The following SUN1 variants were observed in gnomAD, a reference collection of about 807,000 sequenced individuals.
SUN1 encodes SUN domain-containing protein 1.
SUN1 carries 61 observed loss-of-function variants against 103.2 expected under a neutral mutation model. The observed-to-expected ratio is 0.59, with a 90% CI of 0.48 to 0.73. The LOEUF is 0.73. Ranked by LOEUF, SUN1 falls within the 30% of genes least tolerant of loss-of-function variation. The probability of loss-of-function intolerance (pLI) is 0.00; values close to 1 mark genes in which losing one functional copy is unlikely to be tolerated. For synonymous variants in SUN1, 490 were observed against 425.7 expected (o/e 1.15, Z -1.86); for missense variants, 1,052 against 1,034.6 (o/e 1.02, Z -0.23).
intron 11 of SUN1, among the ~76,000 whole-genome samples, chr7:856,079 CAGGGAGCTG>C (rs1827010042): frequency 6.6e-6 from 1 of 152,176 alleles, no homozygotes; most frequent in Non-Finnish European, 1.5e-5. Context: ...GGAGGTGTGA[CAGGGAGCTG>C]ACTCCCAACC....
At chr7:854,783 C>T (rs1328163816) in intron 10 of SUN1, 137 bp from the exon 11 acceptor site, 3 of 605,210 alleles carry the variant, frequency 5.0e-6, no homozygotes, top group Non-Finnish European at 5.9e-6. Context: ...GCGGATTATT[C>T]CTTTAGGGTC....
intron 1 of SUN1, among the ~76,000 whole-genome samples, chr7:818,502 A>G (rs1433719854): frequency 6.6e-6 from 1 of 152,156 alleles, no homozygotes; most frequent in African/African-American, 2.4e-5. Flanking sequence ...TACTATGAAC[A>G]TTTGTGGATG....
intron 1 of SUN1, among the ~76,000 whole-genome samples, chr7:837,035 G>A (rs1216400113): frequency 2.6e-5 from 4 of 152,256 alleles, no homozygotes; most frequent in Non-Finnish European, 5.9e-5. Flanking sequence ...TGGGGACTGC[G>A]AATCATGACG....
At chr7:819,384 A>G (rs1465358288) in intron 1 of SUN1, among the ~76,000 whole-genome samples, 1 of 152,110 alleles carries the variant, frequency 6.6e-6, no homozygotes, top group African/African-American at 2.4e-5. Context: ...TTTGTTGCTC[A>G]TGCTTTTGAT....
chr7:851,491 T>G lies in SUN1; in HGVS notation c.757+9T>G, dbSNP rs1584857820. ...GGCCGTGGTTGCTCCAGGTGGCTAT[T>G]TTGGGTTTCTGTGTTGCGTTCTCTC... is the stretch of plus-strand genomic sequence containing the variant. On this transcript the variant is annotated intron_variant, in intron 6 of 18. Coordinates refer to ENST00000401592, the MANE Select transcript of SUN1 (RefSeq NM_001130965.3). 1.9e-6 allele frequency: 3 copies of G among 1,596,584 alleles called. No homozygotes were observed. The highest frequency in any genetic ancestry group is 2.6e-6 in the Non-Finnish European group (3 of 1,171,332).
At chr7:819,545 T>C (rs1417112717) in intron 1 of SUN1, among the ~76,000 whole-genome samples, 1 of 152,134 alleles carries the variant, frequency 6.6e-6, no homozygotes, top group Non-Finnish European at 1.5e-5. Flanking sequence ...CTGACTTCGT[T>C]CTTTTGCACG....
rs532971176 is a variant in SUN1 at position 867,138 on chromosome 7, G to T, written c.1980+1071G>T. On this transcript the variant is annotated intron_variant, in intron 16 of 18. Coordinates refer to ENST00000401592, the MANE Select transcript of SUN1 (RefSeq NM_001130965.3). ...GTCATCATGATCTCGTCCCCAGGCT[G>T]CCCCGGCGGAACTGTCCGGTCAGCG... is the stretch of plus-strand genomic sequence containing the variant. Among the ~76,000 whole-genome samples, 8 of 152,334 alleles carry T rather than the reference G, an allele frequency of 5.3e-5. No homozygotes were observed. In the South Asian group the frequency reaches 1.7e-3, roughly 32 times the overall value.
chr7:830,978 G>T (rs972685260), upstream of SUN1: 68 of 985,492 alleles, frequency 6.9e-5, no homozygotes, highest in South Asian at 2.6e-3. Flanking sequence ...TATAGGTGGA[G>T]GGTAGCCTAC....
intron 1 of SUN1, among the ~76,000 whole-genome samples, chr7:826,404 T>G (rs912072040): frequency 6.6e-6 from 1 of 152,122 alleles, no homozygotes; most frequent in Non-Finnish European, 1.5e-5. Context: ...TCGGTGTCTC[T>G]CGGGAAGGTC....
rs7811913 is a variant in SUN1, at chr7:852,707, G to T, written c.910+40G>T. On this transcript the variant is annotated intron_variant, in intron 8 of 18. Transcript: ENST00000401592. ...GCTGAGTTGCCTCCGATGGCTAAGC[G>T]GTACACACATATGTGTAACTTAGTG... The T allele has an allele frequency of 9.3e-4, 1,496 of 1,614,060 alleles. 9 individuals are homozygous for T. In the African/African-American group the frequency reaches 0.013, roughly 14 times the overall value.
At chr7:860,784 C>G (rs1831561470) in intron 14 of SUN1, among the ~76,000 whole-genome samples, 2 of 152,188 alleles carry the variant, frequency 1.3e-5, no homozygotes, top group Non-Finnish European at 1.5e-5. Flanking sequence ...GCAGAAGCCT[C>G]ACAGTCATGG....
At chr7:862,873 C>T (rs934798229) in intron 15 of SUN1, among the ~76,000 whole-genome samples, 9 of 152,282 alleles carry the variant, frequency 5.9e-5, no homozygotes, top group South Asian at 4.1e-4. Flanking sequence ...AGTTTCTGGC[C>T]GGGCGCAGTG....
upstream of SUN1, among the ~76,000 whole-genome samples, chr7:829,482 T>A (rs1795886404): frequency 6.6e-6 from 1 of 152,086 alleles, no homozygotes; most frequent in Non-Finnish European, 1.5e-5. Flanking sequence ...ACCTTTGCCT[T>A]TCATTTAGGG....
chr7:859,826 G>A lies in SUN1; in HGVS notation c.1525-302G>A, dbSNP rs116817416. Among the ~76,000 whole-genome samples, 10 of 152,272 alleles carry A rather than the reference G, an allele frequency of 6.6e-5. No individual in the cohort carries two copies. The East Asian group carries it at 9.6e-4, about 15-fold the overall frequency. On this transcript the variant is annotated intron_variant, in intron 13 of 18. Transcript: ENST00000401592. ...CTGTGCGCCTCGCTGCGGGGTGCCC[G>A]GTGGGTGCTTGCGGGATGGACACGC...
At chr7:835,455 C>G (rs941500450) in intron 1 of SUN1, among the ~76,000 whole-genome samples, 5 of 152,194 alleles carry the variant, frequency 3.3e-5, no homozygotes, top group Admixed American at 6.5e-5. Flanking sequence ...AGTCAGTGTT[C>G]CAATATCCCA....
At chr7:822,934 A>G (rs576368174) in intron 1 of SUN1, among the ~76,000 whole-genome samples, 10 of 151,378 alleles carry the variant, frequency 6.6e-5, no homozygotes, top group Admixed American at 6.6e-4. Context: ...CCACACACAC[A>G]CGGCCCTGTG....
At chr7:829,557 T>TG (rs71922614), upstream of SUN1, among the ~76,000 whole-genome samples, 1,133 of 150,808 alleles carry the variant, frequency 7.5e-3, 50 homozygotes, top group East Asian at 0.14. Context: ...GGTTTTTTTT[T>TG]TTGTTTTTTT....
At chr7:871,898 G>C (rs923262807) in intron 17 of SUN1, among the ~76,000 whole-genome samples, 2 of 152,218 alleles carry the variant, frequency 1.3e-5, no homozygotes, top group African/African-American at 4.8e-5. Context: ...GTCCAGTGGC[G>C]TTAAGCCCAG....
chr7:829,744 CG>C (rs1326430549), upstream of SUN1, among the ~76,000 whole-genome samples: 1 of 151,962 alleles, frequency 6.6e-6, no homozygotes, highest in Admixed American at 6.5e-5. Flanking sequence ...TTAGTAAAGA[CG>C]GTGTTTCACT....
Sources: gnomAD v4.1 joint callset for allele counts (sites outside exome capture counted in the v4.1 genomes callset) on GRCh38, gnomAD v4.1.1 for gene constraint, MANE v1.5 for transcripts, NCBI Gene and HGNC (gene_info 2026-07-23, HGNC 2026-07-21) for gene names.